The following GATA4 variants were observed in gnomAD, a reference collection of about 807,000 sequenced individuals.
GATA4 encodes the protein transcription factor GATA-4.
GATA4 carries 7 observed loss-of-function variants against 37.9 expected under a neutral mutation model. That is an observed-to-expected ratio of 0.18 (90% CI 0.11 to 0.35). The LOEUF is 0.35. Among genes scored for constraint, GATA4 ranks in the 10% least tolerant of loss-of-function variants. The pLI, the probability that GATA4 is intolerant of heterozygous loss-of-function variation, is 1.00. For synonymous variants in GATA4, 372 were observed against 292.6 expected (o/e 1.27, Z -2.77); for missense variants, 647 against 653.0 (o/e 0.99, Z 0.10).
chr8:11,691,972 G>A (rs1463593926), upstream of GATA4: 1 of 977,628 alleles, frequency 1.0e-6, no homozygotes, highest in Non-Finnish European at 1.2e-6. Flanking sequence ...TGCTTACAAT[G>A]TTGACTTTCT....
chr8:11,681,985 A>G (rs1446916280), intron 1 of GATA4, among the ~76,000 whole-genome samples: 2 of 152,186 alleles, frequency 1.3e-5, no homozygotes, highest in African/African-American at 4.8e-5. Flanking sequence ...TGTCTACAGA[A>G]GTTACTCGAT....
chr8:11,734,615 T>G (rs1801367281), intron 2 of GATA4, among the ~76,000 whole-genome samples: 1 of 152,140 alleles, frequency 6.6e-6, no homozygotes, highest in Non-Finnish European at 1.5e-5. Flanking sequence ...GCCTCCTGAG[T>G]TGCTGGGATT....
upstream of GATA4, among the ~76,000 whole-genome samples, chr8:11,699,630 G>A (rs1237920312): frequency 6.6e-6 from 1 of 152,250 alleles, no homozygotes; most frequent in Non-Finnish European, 1.5e-5. Flanking sequence ...CGCCTCCAGC[G>A]CTGGCGCTCC....
chr8:11,712,276 T>TC (rs1800220065), intron 2 of GATA4, among the ~76,000 whole-genome samples: 1 of 152,114 alleles, frequency 6.6e-6, no homozygotes, highest in Non-Finnish European at 1.5e-5. Context: ...CCTGGGACAG[T>TC]CCCCAGTGAA....
intron 2 of GATA4, among the ~76,000 whole-genome samples, chr8:11,713,211 G>C (rs1008921523): frequency 6.6e-6 from 1 of 152,166 alleles, no homozygotes; most frequent in Non-Finnish European, 1.5e-5. Flanking sequence ...AATAAGTGTG[G>C]CCTGACTGCA....
At chr8:11,735,078 T>A (rs892496392) in intron 2 of GATA4, among the ~76,000 whole-genome samples, 2 of 152,256 alleles carry the variant, frequency 1.3e-5, no homozygotes, top group Non-Finnish European at 2.9e-5. Context: ...GAATTGTGGG[T>A]TACACAGAGG....
chr8:11,726,743 C>T (rs1028137941), intron 2 of GATA4, among the ~76,000 whole-genome samples: 1 of 152,126 alleles, frequency 6.6e-6, no homozygotes, highest in Non-Finnish European at 1.5e-5. Flanking sequence ...CGTGTGCCCC[C>T]GTGTTTGCCT....
chr8:11,758,774 T>A lies in GATA4; in HGVS notation c.*299T>A, dbSNP rs1027951123. ...TGTCCTTGTCCCCTGCGTTCCCCAC[T>A]GTGGCCTAGACCGTGGGTTTTGCAT... On this transcript the variant is annotated 3_prime_UTR_variant, in exon 7 of 7. Transcript: ENST00000532059. The A allele has an allele frequency of 2.2e-6, 1 of 446,668 alleles. No homozygotes were observed. The highest frequency in any genetic ancestry group is 2.0e-5 in the African/African-American group (1 of 50,126). The allele number at this position is 446,668 out of a possible 1,614,324, so 27.7% of individuals were successfully genotyped here.
chr8:11,695,634 G>A (rs1181011957), intron 1 of GATA4, among the ~76,000 whole-genome samples: 1 of 152,136 alleles, frequency 6.6e-6, no homozygotes, highest in East Asian at 1.9e-4. Flanking sequence ...GGACTGACTG[G>A]TTCTCTCCGC....
chr8:11,758,298 C>G lies in GATA4; in HGVS notation c.1155C>G (p.Phe385Leu), dbSNP rs957671450. ...GTGTGCTTTCTGCTTTTCAGACGTT[C>G]TCAGTCAGTGCGATGTCTGGCCATG... ...YGHSSSVSQT[F>L]SVSAMSGHGP... is the part of the protein sequence containing the mutation. Residue 385 changes from phenylalanine to leucine, a missense_variant, in exon 7 of 7, where the codon TTC (phenylalanine) becomes TTG (leucine). This residue lies in a region of GATA4 where 184 missense variants were observed against 157.1 expected (regional missense o/e 1.17). Transcript: ENST00000532059. The G allele has an allele frequency of 4.3e-6, 7 of 1,614,058 alleles. No homozygotes were observed. The East Asian group carries it at 8.9e-5, about 21-fold the overall frequency.
chr8:11,728,206 C>T (rs1801029935), intron 2 of GATA4, among the ~76,000 whole-genome samples: 1 of 152,210 alleles, frequency 6.6e-6, no homozygotes, highest in Non-Finnish European at 1.5e-5. Context: ...CCAAGCTGGT[C>T]TCAAATTCCT....
chr8:11,689,740 G>A (rs144439185), upstream of GATA4, among the ~76,000 whole-genome samples: 299 of 152,296 alleles, frequency 2.0e-3, 2 homozygotes, highest in African/African-American at 7.0e-3. Context: ...CCTGCAAGGG[G>A]TGTGGGCAGC....
At chr8:11,725,859 C>T (rs1800897433) in intron 2 of GATA4, among the ~76,000 whole-genome samples, 1 of 152,114 alleles carries the variant, frequency 6.6e-6, no homozygotes, top group Admixed American at 6.5e-5. Flanking sequence ...GGGCCTGGGC[C>T]CGGGGGGTGG....
chr8:11,708,056 C>T lies in GATA4; in HGVS notation c.-257C>T, dbSNP rs1799973783. On this transcript the variant is annotated 5_prime_UTR_variant, in exon 2 of 7. Transcript: ENST00000532059. This position sits in a 1 kb window ranked among gnomAD's most constrained non-coding sequence, Gnocchi z 6.7. ...GGCCCTGGGGTGAATTCAGCTGCTC[C>T]TACATCAGCTTCCGGAACCACCAAA... The T allele has an allele frequency of 1.8e-6, 1 of 559,608 alleles. No individual in the cohort carries two copies. Among genetic ancestry groups the T allele is most frequent in the African/African-American group, 1.9e-5 (1 of 53,078 alleles). 34.7% of individuals were successfully genotyped at this position (559,608 alleles called of 1,614,324 possible).
At chr8:11,746,139 C>G (rs746028879) in intron 2 of GATA4, among the ~76,000 whole-genome samples, 1 of 151,708 alleles carries the variant, frequency 6.6e-6, no homozygotes, top group East Asian at 1.9e-4. Context: ...GGGATGGTAG[C>G]GTGTGCCTGT....
chr8:11,753,931 T>G (rs1052110279), intron 4 of GATA4, among the ~76,000 whole-genome samples: 2 of 152,194 alleles, frequency 1.3e-5, no homozygotes, highest in African/African-American at 4.8e-5. Flanking sequence ...CCTGCAGTCC[T>G]GCTCCCCAGG....
chr8:11,696,948 C>T (rs1585571501), intron 1 of GATA4, among the ~76,000 whole-genome samples: 2 of 152,334 alleles, frequency 1.3e-5, no homozygotes, highest in East Asian at 1.9e-4. Context: ...CAGAGACTTC[C>T]TGGGGGAGGG....
At chr8:11,747,357 G>T (rs1266083688) in intron 2 of GATA4, among the ~76,000 whole-genome samples, 1 of 152,230 alleles carries the variant, frequency 6.6e-6, no homozygotes, top group African/African-American at 2.4e-5. Context: ...ACATTCTGTA[G>T]ACATGGATGA....
chr8:11,680,697 C>T (rs1006644173), intron 1 of GATA4: 5 of 985,164 alleles, frequency 5.1e-6, no homozygotes, highest in Middle Eastern at 5.2e-4. Context: ...TTGGGGAGAC[C>T]GGAATCCTCC....
Sources: allele counts gnomAD v4.1 joint callset (sites outside exome capture counted in the v4.1 genomes callset), GRCh38; gene constraint gnomAD v4.1.1; regional missense constraint gnomAD v4.1.1; non-coding constraint Gnocchi (gnomAD v3.1); transcripts MANE v1.5; gene names NCBI Gene and HGNC (gene_info 2026-07-23, HGNC 2026-07-21).